SMAD3: variants seen among roughly 807,000 people sequenced by gnomAD.
SMAD3 encodes SMAD family member 3.
A neutral mutation model predicts 51.8 loss-of-function variants in SMAD3; 12 were observed. The ratio of observed to expected loss-of-function variants is 0.23; its 90% CI spans 0.15 to 0.38. The LOEUF (loss-of-function observed/expected upper bound fraction) is 0.38. SMAD3 is among the 10% of genes least tolerant of loss of function. The pLI, the probability that SMAD3 is intolerant of heterozygous loss-of-function variation, is 1.00. For synonymous variants in SMAD3, 238 were observed against 227.7 expected, an observed-to-expected ratio of 1.05 and a Z score of -0.41; for missense variants, 294 against 565.6, an observed-to-expected ratio of 0.52 and a Z score of 4.87.
chr15:67,071,485 A>T (rs1352616085), intron 1 of SMAD3, among the ~76,000 whole-genome samples: 1 of 152,198 alleles, frequency 6.6e-6, no homozygotes. Flanking sequence ...TAGATGTATC[A>T]GCTCAGAATA....
At chr15:67,104,990 G>C (rs2414935) in intron 1 of SMAD3, among the ~76,000 whole-genome samples, 143,719 of 152,332 alleles carry the variant, frequency 0.94, 68,374 homozygotes, top group Non-Finnish European at 1. Flanking sequence ...CAGTGGCTCT[G>C]CTCTTCCTTG....
intron 1 of SMAD3, among the ~76,000 whole-genome samples, chr15:67,076,529 G>A (rs1566960083): frequency 6.6e-6 from 1 of 152,206 alleles, no homozygotes; most frequent in Non-Finnish European, 1.5e-5. Flanking sequence ...TGTTGAGTGA[G>A]AATGGTCAGG....
At chr15:67,102,247 AGTGTGTGT>A (rs56983970) in intron 1 of SMAD3, among the ~76,000 whole-genome samples, 2 of 149,098 alleles carry the variant, frequency 1.3e-5, no homozygotes, top group Non-Finnish European at 3.0e-5. Context: ...ATGCTGTGAA[AGTGTGTGT>A]GTGTGTGTGT....
intron 1 of SMAD3, among the ~76,000 whole-genome samples, chr15:67,085,986 AGT>A (rs899576655): frequency 2.0e-5 from 3 of 151,488 alleles, no homozygotes; most frequent in African/African-American, 7.3e-5. Flanking sequence ...TGAGGTTTGG[AGT>A]TCCAGTTCCC....
rs964895157 is a variant in SMAD3, at chr15:67,098,896, T to C, written c.206+32536T>C. On this transcript the variant is annotated intron_variant, in intron 1 of 8. Transcript: ENST00000327367. ...TGGATGGGAGGGTGGACTCCGTTCC[T>C]GAGGGGGCCAGTGTGGAGGAGGGTC... The C allele has an allele frequency of 9.5e-5, 67 of 702,194 alleles. No homozygotes were observed. The Admixed American group carries it at 9.8e-4, about 10-fold the overall frequency. The allele number at this position is 702,194 out of a possible 1,614,324, so 43.5% of individuals were successfully genotyped here. A position where few individuals can be genotyped will look rare whatever the true frequency, so the allele number is the denominator to read the frequency against.
intron 1 of SMAD3, among the ~76,000 whole-genome samples, chr15:67,082,715 A>G (rs1021218022): frequency 6.6e-6 from 1 of 152,220 alleles, no homozygotes; most frequent in African/African-American, 2.4e-5. Context: ...TTCAGTCGCA[A>G]AGAGCTAATC....
At chr15:67,068,742 C>T (rs1489381664) in intron 1 of SMAD3, among the ~76,000 whole-genome samples, 1 of 152,044 alleles carries the variant, frequency 6.6e-6, no homozygotes, top group Non-Finnish European at 1.5e-5. Flanking sequence ...CTCTGGGTCA[C>T]CTTGTGTCCC....
Position 67,115,100 on chromosome 15 carries a change from T to G in SMAD3, c.206+48740T>G, listed in dbSNP as rs559080238. 3.9e-5 allele frequency among the ~76,000 whole-genome samples: 6 copies of G among 152,292 alleles called. No homozygotes were observed. The East Asian group carries it at 7.7e-4, about 20-fold the overall frequency. On this transcript the variant is annotated intron_variant, in intron 1 of 8. Transcript: ENST00000327367. ...TCTGGAGTAAGCCCAGAGGCCAGGA[T>G]TCTGACTTCTGGTCCAGTGCTCTGC...
At chr15:67,082,702 G>A (rs1403245798) in intron 1 of SMAD3, among the ~76,000 whole-genome samples, 4 of 152,226 alleles carry the variant, frequency 2.6e-5, no homozygotes, top group Non-Finnish European at 5.9e-5. Context: ...ATACCCTTGA[G>A]TCTTCAGTCG....
intron 1 of SMAD3, among the ~76,000 whole-genome samples, chr15:67,084,410 A>T (rs1194248872): frequency 2.7e-5 from 4 of 150,594 alleles, no homozygotes; most frequent in African/African-American, 7.3e-5. Context: ...AGCCCTCTGA[A>T]CTCTCCTTGG....
At chr15:67,094,112 G>A (rs1005520019) in intron 1 of SMAD3, among the ~76,000 whole-genome samples, 1 of 152,196 alleles carries the variant, frequency 6.6e-6, no homozygotes, top group Admixed American at 6.5e-5. Flanking sequence ...GGGTCCTCAG[G>A]GCAGGCAGTG....
intron 1 of SMAD3, among the ~76,000 whole-genome samples, chr15:67,095,336 C>T (rs1960593243): frequency 6.6e-6 from 1 of 152,112 alleles, no homozygotes; most frequent in African/African-American, 2.4e-5. Flanking sequence ...GACCCAGGGC[C>T]TCAGAGTGTG....
chr15:67,162,608 A>G (rs1595939683), intron 1 of SMAD3, among the ~76,000 whole-genome samples: 1 of 151,952 alleles, frequency 6.6e-6, no homozygotes, highest in Admixed American at 6.6e-5. Flanking sequence ...CCTGCAGAGT[A>G]CCCCTGCCTG....
At chr15:67,151,263 G>A (rs983320529) in intron 1 of SMAD3, among the ~76,000 whole-genome samples, 1 of 152,092 alleles carries the variant, frequency 6.6e-6, no homozygotes, top group Non-Finnish European at 1.5e-5. Flanking sequence ...TTGGAGAAGA[G>A]GGTCTAAGAT....
chr15:67,092,449 A>G (rs373541453), intron 1 of SMAD3, among the ~76,000 whole-genome samples: 2 of 152,238 alleles, frequency 1.3e-5, no homozygotes, highest in Admixed American at 6.5e-5. Context: ...CAGCGTCAGC[A>G]TCACCAGGGA....
chr15:67,130,034 A>G (rs377153724), intron 1 of SMAD3, among the ~76,000 whole-genome samples: 74 of 152,242 alleles, frequency 4.9e-4, no homozygotes, highest in African/African-American at 1.7e-3. Flanking sequence ...GGGTGGGACC[A>G]GAGCTTGGTC....
chr15:67,187,720 G>A (rs1963258899), intron 8 of SMAD3, among the ~76,000 whole-genome samples: 2 of 152,202 alleles, frequency 1.3e-5, no homozygotes, highest in South Asian at 2.1e-4. Flanking sequence ...TGCTGGCACC[G>A]AACAGCTGTA....
chr15:67,107,153 TA>T (rs36055978), intron 1 of SMAD3, among the ~76,000 whole-genome samples: 1,809 of 139,972 alleles, frequency 0.013, 17 homozygotes, highest in African/African-American at 0.03. Context: ...CTGAGTGCAT[TA>T]AAAAAAAAAA....
At chr15:67,159,605 A>G (rs1270145222) in intron 1 of SMAD3, among the ~76,000 whole-genome samples, 2 of 152,198 alleles carry the variant, frequency 1.3e-5, no homozygotes, top group Admixed American at 6.5e-5. Context: ...GAGAATATAC[A>G]TAACCTTTAC....
Sources: gnomAD v4.1 joint callset for allele counts (sites outside exome capture counted in the v4.1 genomes callset) on GRCh38, gnomAD v4.1.1 for gene constraint, MANE v1.5 for transcripts, NCBI Gene and HGNC (gene_info 2026-07-23, HGNC 2026-07-21) for gene names.